Variants in AFG2A observed in about 807,000 individuals in gnomAD.
AFG2A encodes the protein ATPase family gene 2 protein homolog A.
chr4:122,985,276 T>C, the AFG2A span, among the ~76,000 whole-genome samples: 1 of 151,980 alleles, frequency 6.6e-6, no homozygotes, highest in Admixed American at 6.6e-5. Context: ...ATTATAAGCA[T>C]GTGCCATCAC....
chr4:122,963,746 G>A, the AFG2A span, among the ~76,000 whole-genome samples: 1 of 152,104 alleles, frequency 6.6e-6, no homozygotes, highest in East Asian at 1.9e-4. Context: ...AAATTGAAGG[G>A]TGATTGATTG....
At chr4:123,102,300 A>G in the AFG2A span, 1 of 150,742 alleles carries the variant, frequency 6.6e-6, no homozygotes, top group African/African-American at 2.4e-5. Context: ...TTTCAGAAAA[A>G]AAAAAAAAAA....
At chr4:122,927,641 C>T in the AFG2A span, 11 of 1,606,370 alleles carry the variant, frequency 6.8e-6, no homozygotes, top group Non-Finnish European at 9.3e-6. Flanking sequence ...TAGTAGATGA[C>T]AAAATTCCTA....
the AFG2A span, among the ~76,000 whole-genome samples, chr4:123,101,933 C>G: frequency 6.6e-6 from 1 of 151,960 alleles, no homozygotes; most frequent in African/African-American, 2.4e-5. Context: ...ATCTTAGTTT[C>G]TGATGCTAGC....
chr4:123,234,628 A>G, the AFG2A span, among the ~76,000 whole-genome samples: 3 of 152,150 alleles, frequency 2.0e-5, no homozygotes, highest in Admixed American at 1.3e-4. Flanking sequence ...TGATTCTCTA[A>G]TTATCTTCAT....
the AFG2A span, among the ~76,000 whole-genome samples, chr4:123,021,959 G>C: frequency 6.6e-6 from 1 of 151,802 alleles, no homozygotes; most frequent in Non-Finnish European, 1.5e-5. Context: ...TTTAATAAAT[G>C]GTGCTGGGAA....
At chr4:122,930,945 G>C in the AFG2A span, among the ~76,000 whole-genome samples, 1 of 41,756 alleles carries the variant, frequency 2.4e-5, no homozygotes, top group Non-Finnish European at 1.3e-4. Context: ...AAAATCTTAT[G>C]TTTTAAATGT....
chr4:123,146,603 G>A, the AFG2A span, among the ~76,000 whole-genome samples: 1 of 152,124 alleles, frequency 6.6e-6, no homozygotes, highest in African/African-American at 2.4e-5. Flanking sequence ...AGACATCAGA[G>A]ATAACATGAA....
the AFG2A span, among the ~76,000 whole-genome samples, chr4:123,028,676 TTTTG>T: frequency 6.6e-6 from 1 of 152,202 alleles, no homozygotes; most frequent in Non-Finnish European, 1.5e-5. Flanking sequence ...TAATCTTTTT[TTTTG>T]TTTGTTTCTA....
the AFG2A span, among the ~76,000 whole-genome samples, chr4:123,214,181 G>C: frequency 6.6e-6 from 1 of 152,050 alleles, no homozygotes; most frequent in Non-Finnish European, 1.5e-5. Context: ...AGATTACATA[G>C]ATATAAGTAT....
the AFG2A span, among the ~76,000 whole-genome samples, chr4:123,035,776 AG>A: frequency 6.6e-6 from 1 of 152,114 alleles, no homozygotes; most frequent in Admixed American, 6.6e-5. Context: ...TTTATCTAAA[AG>A]CAGAAAATGA....
chr4:123,252,529 A>G, the AFG2A span, among the ~76,000 whole-genome samples: 1 of 152,224 alleles, frequency 6.6e-6, no homozygotes, highest in East Asian at 1.9e-4. Context: ...TTCCAGATAG[A>G]GAAAATTTTA....
At chr4:122,923,478 C>T in the AFG2A span, among the ~76,000 whole-genome samples, 3 of 152,160 alleles carry the variant, frequency 2.0e-5, no homozygotes, top group African/African-American at 4.8e-5. Context: ...GCAAACGTAG[C>T]CGCGCCTGCA....
chr4:123,260,267 C>CT, the AFG2A span: 1 of 152,190 alleles, frequency 6.6e-6, no homozygotes, highest in Non-Finnish European at 1.5e-5. Context: ...ACATTTCACA[C>CT]TGAGTTTTCA....
At chr4:123,081,392 A>G in the AFG2A span, among the ~76,000 whole-genome samples, 1 of 152,210 alleles carries the variant, frequency 6.6e-6, no homozygotes, top group Non-Finnish European at 1.5e-5. Flanking sequence ...TGCAATATGT[A>G]GCTTTTCCAG....
chr4:123,076,311 A>T, the AFG2A span, among the ~76,000 whole-genome samples: 1 of 151,940 alleles, frequency 6.6e-6, no homozygotes, highest in Non-Finnish European at 1.5e-5. Flanking sequence ...CTTACCTGTG[A>T]TTTAAAACAA....
the AFG2A span, chr4:123,028,189 T>C: frequency 6.2e-7 from 1 of 1,613,532 alleles, no homozygotes; most frequent in African/African-American, 1.3e-5. Flanking sequence ...TTTTCAGGTA[T>C]CCTGGTCAGA....
the AFG2A span, among the ~76,000 whole-genome samples, chr4:122,944,728 C>G: frequency 6.6e-6 from 1 of 152,044 alleles, no homozygotes; most frequent in Admixed American, 6.5e-5. Flanking sequence ...TTTAGAGTTT[C>G]CAGTTTTTCT....
At chr4:122,977,198 G>A in the AFG2A span, among the ~76,000 whole-genome samples, 37 of 152,266 alleles carry the variant, frequency 2.4e-4, no homozygotes, top group African/African-American at 2.2e-4. Context: ...ACCTCTGCCC[G>A]AGTTATATCC....
Sources: allele counts gnomAD v4.1 joint callset (sites outside exome capture counted in the v4.1 genomes callset), GRCh38; gene constraint gnomAD v4.1.1; transcripts MANE v1.5; gene names NCBI Gene and HGNC (gene_info 2026-07-23, HGNC 2026-07-21).